The following LGALS4 variants were observed in gnomAD, a reference collection of about 807,000 sequenced individuals.
LGALS4 encodes the protein galectin-4.
Under a neutral mutation model 39.6 loss-of-function variants are expected in LGALS4, and 37 were observed. The ratio of observed to expected loss-of-function variants is 0.93; its 90% CI spans 0.72 to 1.23. The LOEUF (loss-of-function observed/expected upper bound fraction) is 1.23. LGALS4 is among the 50% of genes most tolerant of loss of function. The pLI is 0.00. For synonymous variants in LGALS4, 160 were observed against 165.5 expected, an observed-to-expected ratio of 0.97 and a Z score of 0.25; for missense variants, 397 against 433.2, an observed-to-expected ratio of 0.92 and a Z score of 0.74.
At chr19:38,803,494 C>T in intron 7 of LGALS4, 28 bp downstream of exon 7, 1 of 1,612,302 alleles carries the variant, frequency 6.2e-7, no homozygotes. Flanking sequence ...CCCTCCCCAC[C>T]ATCCATCTCT....
At chr19:38,803,408 C>G in intron 7 of LGALS4, 114 bp downstream of exon 7, 1 of 1,061,662 alleles carries the variant, frequency 9.4e-7, no homozygotes, top group Non-Finnish European at 1.5e-6. Context: ...TCTATCTACC[C>G]TTCCCCTACC....
intron 2 of LGALS4, among the ~76,000 whole-genome samples, chr19:38,810,549 A>G (rs1971481172): frequency 6.6e-6 from 1 of 151,666 alleles, no homozygotes; most frequent in South Asian, 2.1e-4. Context: ...TTTTTAGTAG[A>G]GACGGGGTTT....
In LGALS4 at chr19:38,803,756, G is replaced by A; in HGVS notation, c.526C>T (p.Leu176=). Residue 176 remains leucine (L), a synonymous_variant, in exon 6 of 10, where the codon CTG becomes TTG. Transcript: ENST00000307751. ...YPGPGHCHQQ[L]NSLPTMEGPP... Reference sequence around the variant, plus strand: ...CTCCCACTCACGGGCAGGCTGTTCAGCTGTTGATGGCAATGTCCGGGACCC... The same window carrying A: ...CTCCCACTCACGGGCAGGCTGTTCAACTGTTGATGGCAATGTCCGGGACCC... 1 of 1,613,396 alleles carries A rather than the reference G, an allele frequency of 6.2e-7. No homozygotes were observed. Among genetic ancestry groups the A allele is most frequent in the South Asian group, 1.1e-5 (1 of 90,934 alleles).
In LGALS4 at chr19:38,812,446, C is replaced by A. The variant is rs773458508; in HGVS notation, c.119G>T (p.Ser40Ile). ...AGGGTCTTACCGCTTCATGTGCTCGCTGGCCACTCCTTGGATGTAAACAGA... is the reference window on the plus strand; with the variant it reads ...AGGGTCTTACCGCTTCATGTGCTCGATGGCCACTCCTTGGATGTAAACAGA... ...GMSVYIQGVA[S>I]EHMKRFFVNF... Residue 40 changes from serine (S) to isoleucine (I), a missense_variant, in exon 2 of 10, where the codon AGC (serine) becomes ATC (isoleucine). Physicochemically the swap from Ser to Ile is moderately radical, Grantham distance 142 (BLOSUM62 -2). Coordinates refer to ENST00000307751, the MANE Select transcript of LGALS4 (RefSeq NM_006149.4). 6.2e-6 allele frequency: 10 copies of A among 1,614,078 alleles called. No homozygotes were observed. The highest frequency in any genetic ancestry group is 3.3e-5 in the Admixed American group (2 of 60,010).
intron 4 of LGALS4, among the ~76,000 whole-genome samples, chr19:38,804,180 C>A (rs1445514490): frequency 6.6e-6 from 1 of 152,192 alleles, no homozygotes; most frequent in Non-Finnish European, 1.5e-5. Flanking sequence ...GGGGCCCTCA[C>A]TCGCTGATCT....
chr19:38,809,094 T>C (rs1971460264), intron 2 of LGALS4, 146 bp from the exon 3 acceptor site: 2 of 641,838 alleles, frequency 3.1e-6, no homozygotes, highest in Admixed American at 5.8e-5. Context: ...CTTGGCACTG[T>C]GGGCCACAGC....
Position 38,802,344 on chromosome 19 carries a change from T to A in LGALS4, c.631A>T (p.Lys211Ter). Residue 211 changes from lysine to a stop codon, truncating the protein, a stop_gained, in exon 8 of 10, where the codon AAG becomes TAG. Transcript: ENST00000307751. LOFTEE classifies it high-confidence loss of function. The stretch of plus-strand genomic sequence containing the variant: ...TTGCCTGTGGGAGGCACATAGCCCT[T>A]GATGATGATGGTTCTTCGAGCTGTG... ...GLTARRTIIIKGYVPPTGKSF... is the reference protein window; with the variant it reads ...GLTARRTIII 1 of 1,614,104 alleles carries A rather than the reference T, an allele frequency of 6.2e-7. No homozygotes were observed. The highest frequency in any genetic ancestry group is 8.5e-7 in the Non-Finnish European group (1 of 1,179,976).
intron 7 of LGALS4, among the ~76,000 whole-genome samples, chr19:38,802,635 C>T (rs1971370708): frequency 6.6e-6 from 1 of 152,046 alleles, no homozygotes; most frequent in Non-Finnish European, 1.5e-5. Context: ...GCTGGGATTA[C>T]AGGCGTGAGC....
intron 7 of LGALS4, 37 bp downstream of exon 7, chr19:38,803,485 C>T (rs376122575): frequency 2.5e-6 from 4 of 1,610,302 alleles, no homozygotes; most frequent in Non-Finnish European, 3.4e-6. Context: ...ATCCGTGCCC[C>T]CTCCCCACCA....
chr19:38,806,524 T>C lies in LGALS4; in HGVS notation c.411A>G (p.Gln137=). The C allele has an allele frequency of 3.1e-6, 5 of 1,614,102 alleles. No homozygotes were observed. Among genetic ancestry groups the C allele is most frequent in the South Asian group, 2.2e-5 (2 of 91,072 alleles). The change falls in exon 4 of 10, where the codon CAA becomes CAG. Residue 137 remains glutamine, a synonymous_variant. Coordinates refer to ENST00000307751, the MANE Select transcript of LGALS4 (RefSeq NM_006149.4). ...ATTGAAGTTGCAGATCCCCATCCACTTGCAGGTGGGTGACCATCTGTAGGG... is the reference window on the plus strand; with the variant it reads ...ATTGAAGTTGCAGATCCCCATCCACCTGCAGGTGGGTGACCATCTGTAGGG... The part of the protein sequence containing the change: ...RLPLQMVTHL[Q]VDGDLQLQSI...
intron 2 of LGALS4, among the ~76,000 whole-genome samples, chr19:38,809,173 C>CTTTT (rs34677297): frequency 5.0e-4 from 52 of 104,910 alleles, no homozygotes; most frequent in East Asian, 1.9e-3. Context: ...GCCTTTCCTT[C>CTTTT]TTTTTTTTTT....
intron 7 of LGALS4, chr19:38,803,285 G>A: frequency 1.7e-6 from 1 of 587,492 alleles, no homozygotes; most frequent in Non-Finnish European, 3.1e-6. Flanking sequence ...CCAAAGTGCT[G>A]GGATTACAGG....
chr19:38,811,071 T>C (rs1245583952), intron 2 of LGALS4, among the ~76,000 whole-genome samples: 1 of 151,906 alleles, frequency 6.6e-6, no homozygotes, highest in Non-Finnish European at 1.5e-5. Context: ...CCTGGTAATT[T>C]TGTATTTTTA....
At chr19:38,810,402 G>T (rs1328076552) in intron 2 of LGALS4, among the ~76,000 whole-genome samples, 1 of 116,328 alleles carries the variant, frequency 8.6e-6, no homozygotes, top group Admixed American at 1.3e-4. Flanking sequence ...TCGCTCTTTC[G>T]CCCAGGCTGG....
At chr19:38,809,535 C>A (rs1038807484) in intron 2 of LGALS4, among the ~76,000 whole-genome samples, 1 of 149,682 alleles carries the variant, frequency 6.7e-6, no homozygotes, top group South Asian at 2.1e-4. Context: ...GGCTGGAGTA[C>A]AGTGGCCACG....
intron 2 of LGALS4, 141 bp from the exon 3 acceptor site, chr19:38,809,089 C>G: frequency 1.5e-6 from 1 of 652,586 alleles, no homozygotes; most frequent in Non-Finnish European, 2.6e-6. Flanking sequence ...GCAACCTTGG[C>G]ACTGTGGGCC....
intron 3 of LGALS4, among the ~76,000 whole-genome samples, chr19:38,807,387 A>G (rs2145357024): frequency 6.6e-6 from 1 of 152,216 alleles, no homozygotes; most frequent in Admixed American, 6.5e-5. Flanking sequence ...CAAAAAGTAC[A>G]CGTTTTGCAA....
chr19:38,812,883 C>T lies in LGALS4; in HGVS notation c.4G>A (p.Ala2Thr), dbSNP rs752100163. The change falls in exon 1 of 10, where the codon GCC becomes ACC. Residue 2 changes from alanine (A) to threonine (T), a missense_variant. Transcript: ENST00000307751. ...TGGTAGCCCGGTGCGGGGACATAGG[C>T]CATCGCTCGAGGCTGCGCTAGTGGC... M[A>T]YVPAPGYQPT... is the part of the protein sequence containing the mutation. 4 of 1,611,734 alleles carry T rather than the reference C, an allele frequency of 2.5e-6. No individual in the cohort carries two copies. In the South Asian group the frequency reaches 3.3e-5, roughly 13 times the overall value.
At chr19:38,807,676 CGAAAA>C (rs970258083) in intron 3 of LGALS4, among the ~76,000 whole-genome samples, 3 of 151,394 alleles carry the variant, frequency 2.0e-5, no homozygotes, top group African/African-American at 7.3e-5. Context: ...GCGGTTTTGT[CGAAAA>C]GAAAAGGGGG....
Sources: gnomAD v4.1 joint callset for allele counts (sites outside exome capture counted in the v4.1 genomes callset) on GRCh38, gnomAD v4.1.1 for gene constraint, MANE v1.5 for transcripts, NCBI Gene and HGNC (gene_info 2026-07-23, HGNC 2026-07-21) for gene names.